CSNK2A2IP: variants seen among roughly 807,000 people sequenced by gnomAD.
CSNK2A2IP encodes the protein casein kinase 2 subunit alpha' interacting protein.
chr3:88,428,376 T>A, the CSNK2A2IP span, among the ~76,000 whole-genome samples: 1 of 151,974 alleles, frequency 6.6e-6, no homozygotes, highest in Non-Finnish European at 1.5e-5. Flanking sequence ...CTGGAATGAG[T>A]TAGGACTTTG....
At chr3:88,439,518 C>A in the CSNK2A2IP span, among the ~76,000 whole-genome samples, 1 of 151,714 alleles carries the variant, frequency 6.6e-6, no homozygotes, top group Admixed American at 6.6e-5. Flanking sequence ...CTGAGGCAGG[C>A]AGATCATGAG....
the CSNK2A2IP span, among the ~76,000 whole-genome samples, chr3:88,416,146 C>T: frequency 6.6e-6 from 1 of 151,654 alleles, no homozygotes; most frequent in South Asian, 2.1e-4. Context: ...TGGCACGCGC[C>T]TGTAGTCCTA....
chr3:88,395,589 T>G, the CSNK2A2IP span, among the ~76,000 whole-genome samples: 21 of 152,192 alleles, frequency 1.4e-4, no homozygotes, highest in Non-Finnish European at 2.4e-4. Flanking sequence ...CTATTTAAAA[T>G]CTTTTGCATT....
the CSNK2A2IP span, chr3:88,465,979 C>T: frequency 8.8e-5 from 108 of 1,231,498 alleles, no homozygotes; most frequent in Non-Finnish European, 9.7e-5. Context: ...GGGACCCAAA[C>T]GAAAAGCCCT....
chr3:88,449,060 C>T, the CSNK2A2IP span, among the ~76,000 whole-genome samples: 1 of 152,062 alleles, frequency 6.6e-6, no homozygotes, highest in Non-Finnish European at 1.5e-5. Context: ...CTTCTTCTCT[C>T]CTTCCTCCTT....
chr3:88,385,611 G>C, the CSNK2A2IP span, among the ~76,000 whole-genome samples: 1 of 152,088 alleles, frequency 6.6e-6, no homozygotes, highest in African/African-American at 2.4e-5. Context: ...GATACTACTA[G>C]AACATATTTA....
chr3:88,452,178 A>ATTT, the CSNK2A2IP span, among the ~76,000 whole-genome samples: 1,623 of 146,440 alleles, frequency 0.011, 18 homozygotes, highest in East Asian at 0.041. Flanking sequence ...CTCGGTTTAG[A>ATTT]TTTTTTTTTT....
chr3:88,462,719 C>T, the CSNK2A2IP span, among the ~76,000 whole-genome samples: 44,887 of 151,844 alleles, frequency 0.3, 7,314 homozygotes, highest in East Asian at 0.48. Flanking sequence ...TGAAGAAGTG[C>T]TTGGAACTGA....
the CSNK2A2IP span, among the ~76,000 whole-genome samples, chr3:88,352,403 AAG>A: frequency 2.7e-4 from 41 of 152,262 alleles, no homozygotes; most frequent in African/African-American, 7.5e-4. Flanking sequence ...TTTTGGGAAA[AAG>A]AAATTTATAT....
chr3:88,338,847 G>T, the CSNK2A2IP span, among the ~76,000 whole-genome samples: 2 of 152,028 alleles, frequency 1.3e-5, no homozygotes, highest in Non-Finnish European at 2.9e-5. Flanking sequence ...GCTACTAAGA[G>T]GTGGCTGTAA....
chr3:88,359,389 A>AT, the CSNK2A2IP span, among the ~76,000 whole-genome samples: 1 of 149,196 alleles, frequency 6.7e-6, no homozygotes, highest in Non-Finnish European at 1.5e-5. Context: ...ATCTTTTATT[A>AT]TTTTTTTCTT....
the CSNK2A2IP span, among the ~76,000 whole-genome samples, chr3:88,439,084 C>T: frequency 4.6e-5 from 7 of 152,282 alleles, no homozygotes; most frequent in East Asian, 1.4e-3. Context: ...CGAGATATGA[C>T]ATCTTTTCCA....
chr3:88,356,539 A>T, the CSNK2A2IP span, among the ~76,000 whole-genome samples: 481 of 152,232 alleles, frequency 3.2e-3, 2 homozygotes, highest in African/African-American at 0.011. Context: ...TGACTATTGT[A>T]AATAAAGCTG....
At chr3:88,407,212 T>C in the CSNK2A2IP span, among the ~76,000 whole-genome samples, 1 of 147,790 alleles carries the variant, frequency 6.8e-6, no homozygotes, top group Non-Finnish European at 1.5e-5. Context: ...CTCTATCATG[T>C]ACCAGGTATT....
the CSNK2A2IP span, among the ~76,000 whole-genome samples, chr3:88,410,622 A>G: frequency 6.6e-6 from 1 of 151,996 alleles, no homozygotes; most frequent in South Asian, 2.1e-4. Flanking sequence ...AATATAAATA[A>G]TCTCCTAAAG....
At chr3:88,463,113 T>C in the CSNK2A2IP span, among the ~76,000 whole-genome samples, 2 of 152,166 alleles carry the variant, frequency 1.3e-5, no homozygotes, top group African/African-American at 4.8e-5. Context: ...AGTTGGCATG[T>C]ATAAGAAATA....
At chr3:88,351,532 G>A in the CSNK2A2IP span, among the ~76,000 whole-genome samples, 3 of 152,042 alleles carry the variant, frequency 2.0e-5, no homozygotes, top group Non-Finnish European at 4.4e-5. Context: ...TAGTCAATAT[G>A]TTGGTGAACA....
the CSNK2A2IP span, among the ~76,000 whole-genome samples, chr3:88,463,759 C>T: frequency 6.6e-6 from 1 of 152,252 alleles, no homozygotes; most frequent in South Asian, 2.1e-4. Context: ...CCTCAGGGAT[C>T]TAGAACTGGA....
chr3:88,379,401 C>G, the CSNK2A2IP span, among the ~76,000 whole-genome samples: 1 of 152,076 alleles, frequency 6.6e-6, no homozygotes, highest in Non-Finnish European at 1.5e-5. Context: ...AAGATTAAGA[C>G]ATATTTTCTA....
Sources: allele counts gnomAD v4.1 joint callset (sites outside exome capture counted in the v4.1 genomes callset), GRCh38; gene constraint gnomAD v4.1.1; transcripts MANE v1.5; gene names NCBI Gene and HGNC (gene_info 2026-07-23, HGNC 2026-07-21).